Variants in ZNF624 observed in about 807,000 individuals in gnomAD.
ZNF624 encodes the protein zinc finger protein 624.
Under a neutral mutation model 74.7 loss-of-function variants are expected in ZNF624, and 43 were observed. The observed-to-expected ratio is 0.58, with a 90% CI of 0.45 to 0.74. The LOEUF is 0.74. Among genes scored for constraint, ZNF624 ranks in the 30% least tolerant of loss-of-function variants. ZNF624 has a pLI of 0.00. For synonymous variants in ZNF624, 331 were observed against 341.3 expected (o/e 0.97, Z 0.33); for missense variants, 820 against 1,030.0 (o/e 0.80, Z 2.79).
downstream of ZNF624, chr17:16,617,218 C>A (rs1291289764): frequency 2.4e-5 from 39 of 1,612,618 alleles, no homozygotes; most frequent in Admixed American, 8.3e-5. Context: ...ACGGGAGCGA[C>A]TTTTTGAGAC....
downstream of ZNF624, among the ~76,000 whole-genome samples, chr17:16,616,563 A>G (rs568002077): frequency 5.3e-5 from 8 of 152,360 alleles, no homozygotes; most frequent in East Asian, 1.5e-3. Context: ...ACAAACAAAC[A>G]AACAAACAAA....
chr17:16,638,440 A>G (rs1219090686), intron 3 of ZNF624, among the ~76,000 whole-genome samples: 2 of 152,124 alleles, frequency 1.3e-5, no homozygotes, highest in African/African-American at 4.8e-5. Context: ...CACTACTCAC[A>G]ATAGCAGACT....
chr17:16,626,471 G>A (rs1909075224), intron 5 of ZNF624, among the ~76,000 whole-genome samples: 1 of 152,074 alleles, frequency 6.6e-6, no homozygotes, highest in South Asian at 2.1e-4. Flanking sequence ...AAAGCTATAA[G>A]GCTGGGTGTG....
chr17:16,616,921 C>T (rs1908802756), downstream of ZNF624: 2 of 1,537,666 alleles, frequency 1.3e-6, no homozygotes, highest in Non-Finnish European at 1.8e-6. Context: ...TGAAGTAGCT[C>T]TTTTTGGTGG....
chr17:16,637,078 CAG>C (rs1909350509), intron 3 of ZNF624, among the ~76,000 whole-genome samples: 1 of 152,160 alleles, frequency 6.6e-6, no homozygotes, highest in South Asian at 2.1e-4. Flanking sequence ...ACACCAATAA[CAG>C]ACAAACAGAG....
At chr17:16,619,981 TTAGTAA>T (rs372254823), downstream of ZNF624, among the ~76,000 whole-genome samples, 16 of 152,366 alleles carry the variant, frequency 1.1e-4, no homozygotes, top group African/African-American at 3.8e-4. Flanking sequence ...GATTGGTCTC[TTAGTAA>T]TAGTTAATGT....
At chr17:16,638,400 A>C (rs1049196349) in intron 3 of ZNF624, among the ~76,000 whole-genome samples, 22 of 152,212 alleles carry the variant, frequency 1.4e-4, no homozygotes, top group African/African-American at 5.3e-4. Flanking sequence ...TGCTGCTGTA[A>C]AGACACATGC....
chr17:16,641,289 C>T (rs560551714), intron 3 of ZNF624, among the ~76,000 whole-genome samples: 1 of 150,034 alleles, frequency 6.7e-6, no homozygotes, highest in Non-Finnish European at 1.5e-5. Context: ...CTCTCTCTCT[C>T]TCTTTTTTTT....
intron 5 of ZNF624, among the ~76,000 whole-genome samples, chr17:16,632,705 A>T (rs1909234475): frequency 6.6e-6 from 1 of 152,216 alleles, no homozygotes; most frequent in Non-Finnish European, 1.5e-5. Context: ...TGGATAGACT[A>T]TTGTAACAAC....
chr17:16,630,343 G>A (rs116847486), intron 5 of ZNF624, among the ~76,000 whole-genome samples: 10,930 of 151,602 alleles, frequency 0.072, 575 homozygotes, highest in Middle Eastern at 0.19. Flanking sequence ...GATCACCTGA[G>A]ATCAAGAGAT....
At chr17:16,625,459 GGCCT>G (rs1227921723) in intron 5 of ZNF624, among the ~76,000 whole-genome samples, 6 of 152,210 alleles carry the variant, frequency 3.9e-5, no homozygotes, top group African/African-American at 1.4e-4. Context: ...TGGGATTACA[GGCCT>G]GAGCCACCAT....
In ZNF624 at chr17:16,623,271, T is replaced by G. The variant is rs1908971355; in HGVS notation, c.1615A>C (p.Asn539His). 1.2e-6 allele frequency: 2 copies of G among 1,613,818 alleles called. No individual in the cohort carries two copies. The highest frequency in any genetic ancestry group is 1.3e-5 in the African/African-American group (1 of 74,922). Residue 539 changes from asparagine (N) to histidine (H), a missense_variant, in exon 6 of 6, where the codon AAT (asparagine) becomes CAT (histidine). Transcript: ENST00000311331. The surrounding 1 kb of genome is among the most constrained non-coding windows in gnomAD (Gnocchi z 5.3). Reference sequence around the variant, plus strand: ...TGGTGTACAGTAAGGCATGAATAATTAATGAATGCTTTCCCACATTCATTA... The same window carrying G: ...TGGTGTACAGTAAGGCATGAATAATGAATGAATGCTTTCCCACATTCATTA... Reference protein sequence around the residue: ...KCNECGKAFINYSCLTVHHRM... With the variant: ...KCNECGKAFIHYSCLTVHHRM...
rs1779201040 is a variant in ZNF624 at position 16,620,772 on chromosome 17, A to G, written c.*1516T>C. 6.6e-6 allele frequency: 1 copy of G among 152,174 alleles called. No individual in the cohort carries two copies. The highest frequency in any genetic ancestry group is 2.1e-4 in the South Asian group (1 of 4,828). 9.4% of individuals were successfully genotyped at this position (152,174 alleles called of 1,614,324 possible). A position where few individuals can be genotyped will look rare whatever the true frequency, so the allele number is the denominator to read the frequency against. On this transcript the variant is annotated 3_prime_UTR_variant, in exon 6 of 6. Coordinates refer to ENST00000311331, the MANE Select transcript of ZNF624 (RefSeq NM_020787.4). ...CTTTTAATGTAAATATTACAGGTTC[A>G]TTGCAAGGAAAAAATTAACTTAAAA...
downstream of ZNF624, among the ~76,000 whole-genome samples, chr17:16,619,834 T>C (rs1245272731): frequency 1.3e-5 from 2 of 152,200 alleles, no homozygotes; most frequent in African/African-American, 4.8e-5. Flanking sequence ...TTAGATGTAG[T>C]GAGGATTCGG....
chr17:16,640,390 TGAAG>T (rs1909439624), intron 3 of ZNF624, among the ~76,000 whole-genome samples: 1 of 151,244 alleles, frequency 6.6e-6, no homozygotes, highest in Non-Finnish European at 1.5e-5. Flanking sequence ...TTTAGGAAGC[TGAAG>T]GAAGAAAATA....
Position 16,621,090 on chromosome 17 carries a change from CACAT to C in ZNF624, c.*1194_*1197del, listed in dbSNP as rs954804259. 3.9e-5 allele frequency: 6 copies of C among 152,264 alleles called. No homozygotes were observed. The highest frequency in any genetic ancestry group is 2.0e-4 in the Admixed American group (3 of 15,298). 9.4% of individuals were successfully genotyped at this position (152,264 alleles called of 1,614,324 possible). A position where few individuals can be genotyped will look rare whatever the true frequency, so the allele number is the denominator to read the frequency against. On this transcript the variant is annotated 3_prime_UTR_variant, in exon 6 of 6. Coordinates refer to ENST00000311331, the MANE Select transcript of ZNF624 (RefSeq NM_020787.4). Reference sequence around the variant, plus strand: ...CCATGTGCATCTAACCACACACACACACATAAACACAAAATAAATGGGTGTGATT... The same window carrying C: ...CCATGTGCATCTAACCACACACACACAAACACAAAATAAATGGGTGTGATT...
chr17:16,639,893 A>G (rs551051159), intron 3 of ZNF624, among the ~76,000 whole-genome samples: 6 of 152,302 alleles, frequency 3.9e-5, no homozygotes, highest in Non-Finnish European at 7.3e-5. Context: ...ACAAAAAATT[A>G]TAAGACACAC....
chr17:16,622,299 G>C lies in ZNF624; in HGVS notation c.2587C>G (p.Gln863Glu). The C allele has an allele frequency of 6.4e-7, 1 of 1,559,694 alleles. No individual in the cohort carries two copies. Among genetic ancestry groups the C allele is most frequent in the East Asian group, 2.2e-5 (1 of 44,516 alleles). The change falls in exon 6 of 6, where the codon CAG (glutamine) becomes GAG (glutamate). Residue 863 changes from glutamine (Q) to glutamate (E), a missense_variant. Coordinates refer to ENST00000311331, the MANE Select transcript of ZNF624 (RefSeq NM_020787.4). ...TGACTTATTGTTCTTTATATTAACT[G>C]AGTTTCTCTTTGATGTATTCTTTGA... ...VHQRIHQRETQLI is the reference protein window; with the variant it reads ...VHQRIHQRETELI
rs1908945769 is a variant in ZNF624, at chr17:16,622,559, C to T, written c.2327G>A (p.Gly776Glu). ...YLTVHWRTHT[G>E]EKPYTCKECG... ...TTCCTTACAGGTGTAGGGTTTTTCTCCAGTGTGTGTTCTCCAATGCACTGT... is the reference window on the plus strand; with the variant it reads ...TTCCTTACAGGTGTAGGGTTTTTCTTCAGTGTGTGTTCTCCAATGCACTGT... The change falls in exon 6 of 6, where the codon GGA becomes GAA. Residue 776 changes from glycine to glutamate, a missense_variant. Transcript: ENST00000311331. The T allele has an allele frequency of 6.2e-7, 1 of 1,614,008 alleles. No individual in the cohort carries two copies. The highest frequency in any genetic ancestry group is 1.3e-5 in the African/African-American group (1 of 75,024).
Sources: allele counts gnomAD v4.1 joint callset (sites outside exome capture counted in the v4.1 genomes callset), GRCh38; gene constraint gnomAD v4.1.1; non-coding constraint Gnocchi (gnomAD v3.1); transcripts MANE v1.5; gene names NCBI Gene and HGNC (gene_info 2026-07-23, HGNC 2026-07-21).